The following EYS variants were observed in gnomAD, a reference collection of about 807,000 sequenced individuals.
EYS encodes EGF-like photoreceptor maintenance factor.
EYS carries 250 observed loss-of-function variants against 282.1 expected under a neutral mutation model. The ratio of observed to expected loss-of-function variants is 0.89; its 90% CI spans 0.80 to 0.98. The LOEUF (loss-of-function observed/expected upper bound fraction) is 0.98. Among genes scored for constraint, EYS ranks in the 50% least tolerant of loss-of-function variants. The pLI is 0.00. For missense variants in EYS, 4,016 were observed against 3,709.0 expected (o/e 1.08, Z -2.15); for synonymous variants, 1,355 against 1,282.9 (o/e 1.06, Z -1.20).
At chr6:64,544,435 C>T (rs920461197) in intron 26 of EYS, among the ~76,000 whole-genome samples, 2 of 152,080 alleles carry the variant, frequency 1.3e-5, no homozygotes. Flanking sequence ...TGCAGGAAAC[C>T]ATCTAGCACT....
At chr6:64,950,804 T>C (rs1401601861) in intron 14 of EYS, among the ~76,000 whole-genome samples, 4 of 84,182 alleles carry the variant, frequency 4.8e-5, no homozygotes, top group Admixed American at 1.4e-4. Flanking sequence ...TATACATATA[T>C]ATATATATAT....
At chr6:65,503,767 A>G (rs1360664385) in intron 2 of EYS, among the ~76,000 whole-genome samples, 1 of 151,672 alleles carries the variant, frequency 6.6e-6, no homozygotes, top group African/African-American at 2.4e-5. Context: ...AGTTGACTAC[A>G]TTTGTGTGGG....
intron 31 of EYS, among the ~76,000 whole-genome samples, chr6:64,200,124 G>C (rs1017777802): frequency 6.6e-6 from 1 of 152,130 alleles, no homozygotes; most frequent in African/African-American, 2.4e-5. Context: ...GACTGGAAAA[G>C]GAAAAACTAT....
chr6:64,156,333 G>A (rs1426252610), intron 31 of EYS, among the ~76,000 whole-genome samples: 2 of 152,060 alleles, frequency 1.3e-5, no homozygotes, highest in Non-Finnish European at 2.9e-5. Context: ...ACCTCCCACT[G>A]TGATTCTGAG....
At chr6:64,466,802 G>A (rs1313389966) in intron 26 of EYS, among the ~76,000 whole-genome samples, 2 of 151,982 alleles carry the variant, frequency 1.3e-5, no homozygotes, top group African/African-American at 4.8e-5. Flanking sequence ...TGATTGGCTT[G>A]ATTTAGCCAT....
At chr6:64,888,397 A>G (rs980534745) in intron 18 of EYS, among the ~76,000 whole-genome samples, 4 of 152,176 alleles carry the variant, frequency 2.6e-5, no homozygotes, top group Admixed American at 6.6e-5. Flanking sequence ...ATTATGTAGT[A>G]TAATGATACA....
chr6:64,565,526 A>G (rs1422423115), intron 26 of EYS, among the ~76,000 whole-genome samples: 1 of 152,170 alleles, frequency 6.6e-6, no homozygotes, highest in Non-Finnish European at 1.5e-5. Context: ...ACAAAACCAT[A>G]TGATTTCACT....
intron 19 of EYS, among the ~76,000 whole-genome samples, chr6:64,836,898 GA>G (rs1317732251): frequency 1.3e-5 from 2 of 151,536 alleles, no homozygotes; most frequent in East Asian, 3.9e-4. Flanking sequence ...TGAGACATTG[GA>G]AAATATATAA....
At chr6:64,896,349 C>A (rs1309313560) in intron 18 of EYS, among the ~76,000 whole-genome samples, 1 of 152,032 alleles carries the variant, frequency 6.6e-6, no homozygotes, top group Non-Finnish European at 1.5e-5. Context: ...CCTCCCTCCC[C>A]TAACCAAGGG....
chr6:64,173,005 A>G (rs1396492468), intron 31 of EYS, among the ~76,000 whole-genome samples: 1 of 152,102 alleles, frequency 6.6e-6, no homozygotes, highest in Non-Finnish European at 1.5e-5. Flanking sequence ...CAAGAGACCA[A>G]CGCTGAATAT....
At chr6:65,372,518 A>G (rs1315666775) in intron 8 of EYS, among the ~76,000 whole-genome samples, 1 of 152,066 alleles carries the variant, frequency 6.6e-6, no homozygotes, top group Admixed American at 6.6e-5. Flanking sequence ...ATTGGATGCC[A>G]TTTATTTATA....
chr6:65,111,048 G>A (rs898218916), intron 12 of EYS, among the ~76,000 whole-genome samples: 3 of 151,864 alleles, frequency 2.0e-5, no homozygotes, highest in African/African-American at 7.3e-5. Context: ...AATTGACTTG[G>A]CAGCTAATAG....
At chr6:65,321,373 A>G (rs1250268047) in intron 11 of EYS, among the ~76,000 whole-genome samples, 1 of 151,900 alleles carries the variant, frequency 6.6e-6, no homozygotes, top group Non-Finnish European at 1.5e-5. Flanking sequence ...TATTTTTCAA[A>G]AAAGAGTTGG....
rs182713739 is a variant in EYS, at chr6:65,274,942, C to T, written c.2023+20921G>A. ...AGAGAGAGAGAGAGAGAGACAATAC[C>T]TAGTGGCCTCTTTAGATTTTAGAGC... On this transcript the variant is annotated intron_variant, in intron 12 of 42. Coordinates refer to ENST00000503581, the MANE Select transcript of EYS (RefSeq NM_001142800.2). 2.0e-3 allele frequency among the ~76,000 whole-genome samples: 296 copies of T among 149,318 alleles called. 1 individual carries two copies. The highest frequency in any genetic ancestry group is 3.0e-3 in the Non-Finnish European group (199 of 67,450).
At chr6:65,324,201 T>C (rs1769555212) in intron 11 of EYS, among the ~76,000 whole-genome samples, 1 of 152,080 alleles carries the variant, frequency 6.6e-6, no homozygotes, top group Non-Finnish European at 1.5e-5. Context: ...TTTCCCGTGG[T>C]ATTTGTTACC....
At chr6:64,026,563 G>A (rs563274022) in intron 33 of EYS, among the ~76,000 whole-genome samples, 2 of 152,144 alleles carry the variant, frequency 1.3e-5, no homozygotes, top group Non-Finnish European at 2.9e-5. Context: ...GACCTTTTCT[G>A]TAAGTGGGAA....
chr6:63,986,144 A>C (rs1486644455), intron 34 of EYS, among the ~76,000 whole-genome samples: 1 of 151,852 alleles, frequency 6.6e-6, no homozygotes, highest in African/African-American at 2.4e-5. Flanking sequence ...AAGAAGATAT[A>C]CATGCGGCCA....
At chr6:64,285,168 A>C (rs920173996) in intron 30 of EYS, among the ~76,000 whole-genome samples, 1 of 151,992 alleles carries the variant, frequency 6.6e-6, no homozygotes, top group Non-Finnish European at 1.5e-5. Flanking sequence ...TCCTTTAACA[A>C]CACCAAAATC....
intron 41 of EYS, among the ~76,000 whole-genome samples, chr6:63,736,091 G>T (rs950795688): frequency 1.3e-5 from 2 of 151,914 alleles, no homozygotes; most frequent in African/African-American, 4.8e-5. Flanking sequence ...AAAATTCTGT[G>T]TTTTCCCATT....
Sources: allele counts gnomAD v4.1 joint callset (sites outside exome capture counted in the v4.1 genomes callset), GRCh38; gene constraint gnomAD v4.1.1; transcripts MANE v1.5; gene names NCBI Gene and HGNC (gene_info 2026-07-23, HGNC 2026-07-21).